The following BCAS3 variants were observed in gnomAD, a reference collection of about 807,000 sequenced individuals.
BCAS3 encodes the protein BCAS4/BCAS3 fusion.
Under a neutral mutation model 116.1 loss-of-function variants are expected in BCAS3, and 53 were observed. The ratio of observed to expected loss-of-function variants is 0.46; its 90% CI spans 0.37 to 0.57. The LOEUF (loss-of-function observed/expected upper bound fraction) is 0.57. Among genes scored for constraint, BCAS3 ranks in the 20% least tolerant of loss-of-function variants. BCAS3 has a pLI of 0.00. For missense variants in BCAS3, 917 were observed against 1,165.4 expected (o/e 0.79, Z 3.10); for synonymous variants, 391 against 408.2 (o/e 0.96, Z 0.51).
chr17:60,981,814 A>G (rs1315701910), intron 14 of BCAS3, among the ~76,000 whole-genome samples: 2 of 152,198 alleles, frequency 1.3e-5, no homozygotes, highest in Non-Finnish European at 2.9e-5. Context: ...AGAGCTGGTA[A>G]TTAACTTTCA....
intron 7 of BCAS3, among the ~76,000 whole-genome samples, chr17:60,841,333 G>A (rs1247696663): frequency 3.3e-5 from 5 of 150,758 alleles, no homozygotes; most frequent in Non-Finnish European, 7.4e-5. Context: ...GGTATATAAT[G>A]TATTAGAACA....
chr17:61,350,814 A>G (rs2057793490), intron 22 of BCAS3, among the ~76,000 whole-genome samples: 1 of 152,000 alleles, frequency 6.6e-6, no homozygotes, highest in South Asian at 2.1e-4. Flanking sequence ...TTCTATTTTT[A>G]GTAGAGATGA....
chr17:61,355,049 G>C lies in BCAS3; in HGVS notation c.2426-13278G>C, dbSNP rs569377552. 1 of 142,058 alleles carries C rather than the reference G, an allele frequency of 7.0e-6. No individual in the cohort carries two copies. The highest frequency in any genetic ancestry group is 2.5e-5 in the African/African-American group (1 of 39,830). 8.8% of individuals were successfully genotyped at this position (142,058 alleles called of 1,614,324 possible). A position where few individuals can be genotyped will look rare whatever the true frequency, so the allele number is the denominator to read the frequency against. On this transcript the variant is annotated intron_variant, in intron 22 of 23. Transcript: ENST00000407086. The surrounding 1 kb of genome is among the most constrained non-coding windows in gnomAD (Gnocchi z 4.2). Reference sequence around the variant, plus strand: ...CTGCTCTTTGAAATTCCCAAGGCCAGCAGGGGGCCCAGGCCTGCAAAGCTG... The same window carrying C: ...CTGCTCTTTGAAATTCCCAAGGCCACCAGGGGGCCCAGGCCTGCAAAGCTG...
chr17:61,015,727 T>G, intron 15 of BCAS3, 24 bp from the exon 16 acceptor site: 2 of 1,612,866 alleles, frequency 1.2e-6, no homozygotes, highest in Non-Finnish European at 1.7e-6. Flanking sequence ...TCAGTGATGC[T>G]TTTCTTTATT....
In BCAS3 at chr17:61,265,698, T is replaced by TC. The variant is rs5821315; in HGVS notation, c.2426-102622dup. Among the ~76,000 whole-genome samples, 97,754 of 151,716 alleles carry TC rather than the reference T, an allele frequency of 0.64. 32,312 individuals are homozygous for TC. The highest frequency in any genetic ancestry group is 0.81 in the East Asian group (4,158 of 5,130). On this transcript the variant is annotated intron_variant, in intron 22 of 23. Coordinates refer to ENST00000407086, the MANE Select transcript of BCAS3 (RefSeq NM_017679.5). The surrounding 1 kb of genome is among the most constrained non-coding windows in gnomAD (Gnocchi z 4.3). Reference sequence around the variant, plus strand: ...ACTATGTAACACCATCATTCTTTTTTCCCCCCCATCAAGTAGTATATCTGC... The same window carrying TC: ...ACTATGTAACACCATCATTCTTTTTTCCCCCCCCATCAAGTAGTATATCTGC...
intron 22 of BCAS3, among the ~76,000 whole-genome samples, chr17:61,289,814 A>G (rs762534606): frequency 3.3e-5 from 5 of 152,238 alleles, no homozygotes; most frequent in Non-Finnish European, 7.3e-5. Flanking sequence ...TACAGAGACT[A>G]ATAACTGTTT....
intron 22 of BCAS3, among the ~76,000 whole-genome samples, chr17:61,099,864 G>A (rs1040085277): frequency 6.6e-6 from 1 of 152,174 alleles, no homozygotes; most frequent in African/African-American, 2.4e-5. Context: ...TTTGGGCATA[G>A]GACATTGGCA....
Position 61,078,422 on chromosome 17 carries a change from C to T in BCAS3, c.2220C>T (p.Thr740=). 1 of 1,614,122 alleles carries T rather than the reference C, an allele frequency of 6.2e-7. No homozygotes were observed. The highest frequency in any genetic ancestry group is 8.5e-7 in the Non-Finnish European group (1 of 1,179,980). The change falls in exon 21 of 24, where the codon ACC becomes ACT. Residue 740 remains threonine (T), a synonymous_variant. Coordinates refer to ENST00000407086, the MANE Select transcript of BCAS3 (RefSeq NM_017679.5). ...AAACCATCCATCCCTCAGGCCAAAC[C>T]ACAGTTATCTCATCCAGTTCATCTG... ...QFKTIHPSGQ[T]TVISSSSSVL...
Position 61,068,340 on chromosome 17 carries a change from G to A in BCAS3, c.2030-6580G>A, listed in dbSNP as rs2070951740. 6.6e-6 allele frequency among the ~76,000 whole-genome samples: 1 copy of A among 152,048 alleles called. No individual in the cohort carries two copies. Among genetic ancestry groups the A allele is most frequent in the Non-Finnish European group, 1.5e-5 (1 of 68,012 alleles). On this transcript the variant is annotated intron_variant, in intron 19 of 23. Transcript: ENST00000407086. This position sits in a 1 kb window ranked among gnomAD's most constrained non-coding sequence, Gnocchi z 4.3. ...ATCTAAATTCTCTAGGGTGTTCAGG[G>A]TATAAAAGTATGAGGTAAGGGATTT... is the stretch of plus-strand genomic sequence containing the variant.
intron 22 of BCAS3, among the ~76,000 whole-genome samples, chr17:61,357,519 A>T (rs2058220752): frequency 6.7e-6 from 1 of 148,648 alleles, no homozygotes; most frequent in South Asian, 2.1e-4. Flanking sequence ...ATCTCGGCTC[A>T]CTGCAGCCTC....
intron 7 of BCAS3, among the ~76,000 whole-genome samples, chr17:60,848,840 CAA>C (rs79372456): frequency 5.9e-4 from 70 of 118,598 alleles, no homozygotes; most frequent in East Asian, 1.8e-3. Context: ...GCTGGGACTA[CAA>C]AAAAAAAAAA....
rs1337565571 is a variant in BCAS3 at position 61,346,924 on chromosome 17, C to A, written c.2426-21403C>A. ...CTCAAATCTGCAGAAGGCAGTTCGT[C>A]ATGTCACTTGGTCACTTGGCACCTC... is the stretch of plus-strand genomic sequence containing the variant. On this transcript the variant is annotated intron_variant, in intron 22 of 23. Coordinates refer to ENST00000407086, the MANE Select transcript of BCAS3 (RefSeq NM_017679.5). The surrounding 1 kb of genome is among the most constrained non-coding windows in gnomAD (Gnocchi z 5.4). 6.6e-6 allele frequency among the ~76,000 whole-genome samples: 1 copy of A among 152,214 alleles called. No homozygotes were observed. Among genetic ancestry groups the A allele is most frequent in the Non-Finnish European group, 1.5e-5 (1 of 68,048 alleles).
In BCAS3 at chr17:61,056,751, A is replaced by G. The variant is rs75947894; in HGVS notation, c.2029+15859A>G. Among the ~76,000 whole-genome samples the G allele has an allele frequency of 4.3e-3, 661 of 152,340 alleles. 2 individuals carry two copies. The highest frequency in any genetic ancestry group is 7.9e-3 in the Non-Finnish European group (538 of 68,024). On this transcript the variant is annotated intron_variant, in intron 19 of 23. Transcript: ENST00000407086. The surrounding 1 kb of genome is among the most constrained non-coding windows in gnomAD (Gnocchi z 4.9). ...TTTATTATAACAAAATGGTTTTCCT[A>G]TTAAGTGATGTACTACTGCATGCTC...
intron 2 of BCAS3, among the ~76,000 whole-genome samples, chr17:60,683,505 CTTTTTTTTTTTTTTTTTT>C (rs138663451): frequency 3.1e-3 from 139 of 44,472 alleles, no homozygotes; most frequent in African/African-American, 6.6e-3. Context: ...AAGAGTTAGC[CTTTTTTTTTTTTTTTTTT>C]TTTTTTTTTT....
chr17:60,910,760 C>G (rs2058450736), intron 12 of BCAS3, 58 bp downstream of exon 12: 1 of 1,414,212 alleles, frequency 7.1e-7, no homozygotes. Context: ...GGGCTAAGAT[C>G]AAGATTAGTC....
At chr17:61,191,191 G>T (rs746856337) in intron 22 of BCAS3, among the ~76,000 whole-genome samples, 1 of 152,024 alleles carries the variant, frequency 6.6e-6, no homozygotes, top group Non-Finnish European at 1.5e-5. Flanking sequence ...GCTTGAGCCC[G>T]GGAGGTTGAG....
chr17:61,340,452 G>C (rs1426879880), intron 22 of BCAS3, among the ~76,000 whole-genome samples: 1 of 152,120 alleles, frequency 6.6e-6, no homozygotes, highest in Non-Finnish European at 1.5e-5. Flanking sequence ...GATATTGACA[G>C]TTTGAGGGTA....
At chr17:60,836,437 G>A (rs966799133) in intron 7 of BCAS3, among the ~76,000 whole-genome samples, 9 of 151,994 alleles carry the variant, frequency 5.9e-5, no homozygotes, top group Admixed American at 3.9e-4. Context: ...TCTTTTTAGC[G>A]AAAGAACTTG....
chr17:61,349,732 C>G lies in BCAS3; in HGVS notation c.2426-18595C>G, dbSNP rs372628397. On this transcript the variant is annotated intron_variant, in intron 22 of 23. Transcript: ENST00000407086. The surrounding 1 kb of genome is among the most constrained non-coding windows in gnomAD (Gnocchi z 4.7). ...ATTGCCATGGAAAGAGCTAACTCTA[C>G]TTTTTTATATATTTAAGACCTAACA... Among the ~76,000 whole-genome samples, 15 of 152,194 alleles carry G rather than the reference C, an allele frequency of 9.9e-5. No individual in the cohort carries two copies. The highest frequency in any genetic ancestry group is 3.1e-4 in the African/African-American group (13 of 41,446).
Sources: allele counts gnomAD v4.1 joint callset (sites outside exome capture counted in the v4.1 genomes callset), GRCh38; gene constraint gnomAD v4.1.1; non-coding constraint Gnocchi (gnomAD v3.1); transcripts MANE v1.5; gene names NCBI Gene and HGNC (gene_info 2026-07-23, HGNC 2026-07-21).